The following SCIN variants were observed in gnomAD, a reference collection of about 807,000 sequenced individuals.
SCIN encodes adseverin.
Under a neutral mutation model 91.8 loss-of-function variants are expected in SCIN, and 91 were observed. The ratio of observed to expected loss-of-function variants is 0.99; its 90% CI spans 0.84 to 1.18. The LOEUF is 1.18. Ranked by LOEUF, SCIN falls within the 50% of genes most tolerant of loss-of-function variation. The pLI, the probability that SCIN is intolerant of heterozygous loss-of-function variation, is 0.00. For synonymous variants in SCIN, 367 were observed against 312.6 expected, an observed-to-expected ratio of 1.17 and a Z score of -1.84; for missense variants, 1,087 against 863.9, an observed-to-expected ratio of 1.26 and a Z score of -3.24.
intron 10 of SCIN, 104 bp from the exon 11 acceptor site, chr7:12,640,243 T>G: frequency 1.0e-6 from 1 of 984,246 alleles, no homozygotes. Context: ...TTTTTATTTT[T>G]TGTTTTATTT....
At chr7:12,617,935 T>C (rs1583302428) in intron 4 of SCIN, among the ~76,000 whole-genome samples, 1 of 152,162 alleles carries the variant, frequency 6.6e-6, no homozygotes, top group African/African-American at 2.4e-5. Context: ...TAATGACTTG[T>C]GATTTTGCTT....
At position 12,659,392 on chromosome 7, in the gene SCIN, C is replaced by T. The variant is rs1784223409; in HGVS notation, c.*6677C>T. 6.6e-6 allele frequency: 1 copy of T among 152,142 alleles called. No homozygotes were observed. The highest frequency in any genetic ancestry group is 2.4e-5 in the African/African-American group (1 of 41,434). 9.4% of individuals were successfully genotyped at this position (152,142 alleles called of 1,614,324 possible). On this transcript the variant is annotated 3_prime_UTR_variant, in exon 16 of 16. Transcript: ENST00000297029. The stretch of plus-strand genomic sequence containing the variant: ...GAACAGCACCTTCAAAAACCAGAAG[C>T]CAGAAATCAGGTAGCTAGATTTGTC...
In SCIN at chr7:12,625,770, G is replaced by A; in HGVS notation, c.901G>A (p.Ala301Thr). 1.2e-6 allele frequency: 2 copies of A among 1,607,200 alleles called. No individual in the cohort carries two copies. The highest frequency in any genetic ancestry group is 1.7e-6 in the Non-Finnish European group (2 of 1,175,788). Residue 301 changes from alanine to threonine, a missense_variant, in exon 7 of 16, where the codon GCT (alanine) becomes ACT (threonine). By Grantham distance (58) the Ala-to-Thr change is moderately conservative. Coordinates refer to ENST00000297029, the MANE Select transcript of SCIN (RefSeq NM_001112706.3). ...TTTACCTTGTATTTTAGGTAAAGAT[G>A]CTAATCCCCAAGAGAGGAAGGCTGC... The part of the protein sequence containing the change: ...KQIFVWKGKD[A>T]NPQERKAAMK...
Position 12,654,257 on chromosome 7 carries a change from A to C in SCIN, c.*1542A>C, listed in dbSNP as rs886388933. The C allele has an allele frequency of 6.6e-6, 1 of 152,152 alleles. No homozygotes were observed. The highest frequency in any genetic ancestry group is 2.4e-5 in the African/African-American group (1 of 41,426). The allele number at this position is 152,152 out of a possible 1,614,324, so 9.4% of individuals were successfully genotyped here. On this transcript the variant is annotated 3_prime_UTR_variant, in exon 16 of 16. Transcript: ENST00000297029. ...TAGAAGCTGCTGTCCCTTAGTATTG[A>C]ATATCTCTATTTTCTTTTAATCATA...
chr7:12,575,846 T>C (rs1456208741), intron 1 of SCIN, among the ~76,000 whole-genome samples: 3 of 152,180 alleles, frequency 2.0e-5, no homozygotes, highest in Non-Finnish European at 4.4e-5. Context: ...TCCATCATGC[T>C]ACAACTGGAT....
intron 4 of SCIN, among the ~76,000 whole-genome samples, chr7:12,613,159 T>C (rs1267650699): frequency 2.0e-5 from 3 of 152,150 alleles, no homozygotes; most frequent in African/African-American, 7.2e-5. Context: ...CAGTTTCTAT[T>C]CTATCCTTTT....
intron 9 of SCIN, among the ~76,000 whole-genome samples, chr7:12,632,769 G>C (rs1274510541): frequency 2.0e-5 from 3 of 152,138 alleles, no homozygotes; most frequent in African/African-American, 7.2e-5. Context: ...AAATGCAAAA[G>C]GAAAAAGAGA....
At position 12,651,575 on chromosome 7, in the gene SCIN, C is replaced by G. The variant is rs1784079966; in HGVS notation, c.1960-266C>G. ...TTTTTTTTTGTGAAAGATCACTTTA[C>G]AAACTAGAAAGTACCATGTAAACAT... On this transcript the variant is annotated intron_variant, in intron 14 of 15. Transcript: ENST00000297029. This position sits in a 1 kb window ranked among gnomAD's most constrained non-coding sequence, Gnocchi z 5.9. 6.6e-6 allele frequency among the ~76,000 whole-genome samples: 1 copy of G among 150,500 alleles called. No homozygotes were observed. The highest frequency in any genetic ancestry group is 2.1e-4 in the South Asian group (1 of 4,764).
intron 3 of SCIN, chr7:12,589,215 CT>C (rs568203202): frequency 0.018 from 2,238 of 127,240 alleles, 50 homozygotes; most frequent in African/African-American, 0.061. Context: ...ATTTCAGCAG[CT>C]TTTTTTTTTT....
At chr7:12,593,355 T>A (rs898418796) in intron 3 of SCIN, among the ~76,000 whole-genome samples, 1 of 151,982 alleles carries the variant, frequency 6.6e-6, no homozygotes, top group African/African-American at 2.4e-5. Context: ...GTTAAGGAGG[T>A]CTTGTTGTGG....
At chr7:12,642,220 A>C (rs371373175) in intron 11 of SCIN, among the ~76,000 whole-genome samples, 112 of 152,114 alleles carry the variant, frequency 7.4e-4, no homozygotes, top group African/African-American at 2.6e-3. Flanking sequence ...CTGGCCACCA[A>C]CTTCTGTCCG....
chr7:12,655,956 TACTCA>T lies in SCIN; in HGVS notation c.*3247_*3251del, dbSNP rs1409475267. Reference sequence around the variant, plus strand: ...TTTTCTCTCTGATTCAAGAAATTCATACTCAACTCAGTCAAACAGAGGTCCTGCAT... The same window carrying T: ...TTTTCTCTCTGATTCAAGAAATTCATACTCAGTCAAACAGAGGTCCTGCAT... On this transcript the variant is annotated 3_prime_UTR_variant, in exon 16 of 16. Coordinates refer to ENST00000297029, the MANE Select transcript of SCIN (RefSeq NM_001112706.3). The T allele has an allele frequency of 1.3e-5, 2 of 152,158 alleles. No homozygotes were observed. Among genetic ancestry groups the T allele is most frequent in the Non-Finnish European group, 2.9e-5 (2 of 68,024 alleles). 9.4% of individuals were successfully genotyped at this position (152,158 alleles called of 1,614,324 possible).
chr7:12,635,275 G>A (rs1349139660), intron 9 of SCIN, among the ~76,000 whole-genome samples: 4 of 151,568 alleles, frequency 2.6e-5, no homozygotes, highest in African/African-American at 9.7e-5. Context: ...TGATTTTTCT[G>A]GGTTACAGAC....
rs1211719191 is a variant in SCIN, at chr7:12,658,834, T to A, written c.*6119T>A. On this transcript the variant is annotated 3_prime_UTR_variant, in exon 16 of 16. Coordinates refer to ENST00000297029, the MANE Select transcript of SCIN (RefSeq NM_001112706.3). Reference sequence around the variant, plus strand: ...ACTCATGGAATATTACGAGTAGAAATTGTAATTACTGTAGAATGTATAGTG... The same window carrying A: ...ACTCATGGAATATTACGAGTAGAAAATGTAATTACTGTAGAATGTATAGTG... 6.6e-6 allele frequency: 1 copy of A among 152,224 alleles called. No individual in the cohort carries two copies. Among genetic ancestry groups the A allele is most frequent in the Non-Finnish European group, 1.5e-5 (1 of 68,054 alleles). The allele number at this position is 152,224 out of a possible 1,614,324, so 9.4% of individuals were successfully genotyped here.
At chr7:12,592,988 A>G (rs1044013495) in intron 3 of SCIN, among the ~76,000 whole-genome samples, 1 of 152,170 alleles carries the variant, frequency 6.6e-6, no homozygotes, top group Admixed American at 6.5e-5. Context: ...CCAAGGAGCT[A>G]TGGGAGTGCA....
In SCIN at chr7:12,604,685, G is replaced by A. The variant is rs77131383; in HGVS notation, c.666+22G>A. ...AAAGGTATTGTGACTCCTGTTGTTT[G>A]TTAAAGGGTTACCACTCCAACTCGT... On this transcript the variant is annotated intron_variant, in intron 4 of 15. Transcript: ENST00000297029. 1,023 of 1,546,980 alleles carry A rather than the reference G, an allele frequency of 6.6e-4. 13 individuals are homozygous for A. In the African/African-American group the frequency reaches 0.013, roughly 20 times the overall value.
At chr7:12,595,218 C>G (rs971514206) in intron 3 of SCIN, among the ~76,000 whole-genome samples, 1 of 152,160 alleles carries the variant, frequency 6.6e-6, no homozygotes, top group Non-Finnish European at 1.5e-5. Flanking sequence ...GCTGAGCTTA[C>G]AGAATGACGG....
chr7:12,599,683 T>G (rs937853684), intron 3 of SCIN, among the ~76,000 whole-genome samples: 1 of 148,842 alleles, frequency 6.7e-6, no homozygotes, highest in South Asian at 2.1e-4. Context: ...CCAACATCTG[T>G]TTTTTTTTTA....
intron 3 of SCIN, among the ~76,000 whole-genome samples, chr7:12,602,541 T>C (rs1782979407): frequency 6.6e-6 from 1 of 152,132 alleles, no homozygotes; most frequent in African/African-American, 2.4e-5. Context: ...TCAGTCCTTA[T>C]TTCAACCGCA....
Sources: gnomAD v4.1 joint callset for allele counts (sites outside exome capture counted in the v4.1 genomes callset) on GRCh38, gnomAD v4.1.1 for gene constraint, Gnocchi (gnomAD v3.1) non-coding constraint, MANE v1.5 for transcripts, NCBI Gene and HGNC (gene_info 2026-07-23, HGNC 2026-07-21) for gene names.